PDE2A: variants seen among roughly 807,000 people sequenced by gnomAD.
PDE2A encodes the protein phosphodiesterase 2A.
PDE2A carries 53 observed loss-of-function variants against 133.6 expected under a neutral mutation model. The observed-to-expected ratio is 0.40, with a 90% CI of 0.32 to 0.50. The LOEUF is 0.50. Ranked by LOEUF, PDE2A falls within the 20% of genes least tolerant of loss-of-function variation. The pLI is 0.73. For synonymous variants in PDE2A, 491 were observed against 490.2 expected (o/e 1.00, Z -0.02); for missense variants, 796 against 1,232.4 (o/e 0.65, Z 5.30).
intron 2 of PDE2A, among the ~76,000 whole-genome samples, chr11:72,629,184 G>A (rs1221067774): frequency 6.6e-6 from 1 of 152,250 alleles, no homozygotes; most frequent in African/African-American, 2.4e-5. Flanking sequence ...AGCAGGTGGG[G>A]CCGACCCAGG....
At chr11:72,589,858 G>A in intron 10 of PDE2A, 49 bp downstream of exon 10, 1 of 1,608,514 alleles carries the variant, frequency 6.2e-7, no homozygotes, top group Non-Finnish European at 8.5e-7. Context: ...GGAGACCCGA[G>A]TTCCTCGCCC....
chr11:72,604,784 C>T (rs1220757867), intron 4 of PDE2A, among the ~76,000 whole-genome samples: 1 of 152,186 alleles, frequency 6.6e-6, no homozygotes, highest in Non-Finnish European at 1.5e-5. Context: ...ATTCCAGGTC[C>T]AGCCTCGCAG....
intron 1 of PDE2A, among the ~76,000 whole-genome samples, chr11:72,672,368 T>C (rs1255845247): frequency 6.6e-6 from 1 of 152,166 alleles, no homozygotes. Context: ...GTATTTCTAA[T>C]AGACACTGGG....
chr11:72,582,636 C>T lies in PDE2A; in HGVS notation c.1729-70G>A, dbSNP rs150224299. ...TCTGGTGTCTTCACCCTCAAATTCCCATGGCAGGTGGGGGATCCGTCACCC... is the reference window on the plus strand; with the variant it reads ...TCTGGTGTCTTCACCCTCAAATTCCTATGGCAGGTGGGGGATCCGTCACCC... On this transcript the variant is annotated intron_variant, in intron 20 of 30. Transcript: ENST00000334456. 3.0e-5 allele frequency: 44 copies of T among 1,473,592 alleles called. No individual in the cohort carries two copies. In the African/African-American group the frequency reaches 4.9e-4, roughly 16 times the overall value. The allele number at this position is 1,473,592 out of a possible 1,614,324, so 91.3% of individuals were successfully genotyped here.
chr11:72,607,874 G>A (rs1393124592), intron 3 of PDE2A, among the ~76,000 whole-genome samples: 2 of 152,118 alleles, frequency 1.3e-5, no homozygotes, highest in Non-Finnish European at 2.9e-5. Context: ...TGCCCCTTAG[G>A]CTGGATCAGA....
intron 1 of PDE2A, among the ~76,000 whole-genome samples, chr11:72,650,303 G>A (rs143830567): frequency 1.7e-3 from 255 of 148,146 alleles, no homozygotes; most frequent in African/African-American, 5.9e-3. Flanking sequence ...GATTACAGGC[G>A]TGAGCCACCG....
chr11:72,581,012 C>A, intron 23 of PDE2A, 39 bp from the exon 24 acceptor site: 1 of 1,330,864 alleles, frequency 7.5e-7, no homozygotes, highest in Non-Finnish European at 1.1e-6. Context: ...AAGAGGTCAG[C>A]CCACAGTTCC....
At chr11:72,658,115 T>A (rs2135454972) in intron 1 of PDE2A, 1 of 456,276 alleles carries the variant, frequency 2.2e-6, no homozygotes. Context: ...GGATGCCGGA[T>A]GTCTTCTCAG....
intron 26 of PDE2A, 50 bp from the exon 27 acceptor site, chr11:72,579,433 AT>A (rs1434498995): frequency 6.3e-7 from 1 of 1,574,956 alleles, no homozygotes; most frequent in Admixed American, 1.7e-5. Flanking sequence ...ACCCCCACCC[AT>A]TTGCCCATCC....
At position 72,577,494 on chromosome 11, in the gene PDE2A, C is replaced by T; in HGVS notation, c.2716G>A (p.Gly906Ser). 3 of 1,613,646 alleles carry T rather than the reference C, an allele frequency of 1.9e-6. No homozygotes were observed. The highest frequency in any genetic ancestry group is 2.5e-6 in the Non-Finnish European group (3 of 1,179,986). ...TKVSHKFTIR[G>S]LPSNNSLDFL... is the part of the protein sequence containing the mutation. ...TCCAGCGAGTTGTTACTTGGGAGGC[C>T]GCGGATGGTGAACTTGTGGGACACC... The change falls in exon 31 of 31, where the codon GGC (glycine) becomes AGC (serine). Residue 906 changes from glycine (G) to serine (S), a missense_variant. Gly to Ser is a moderately conservative substitution (Grantham distance 56, BLOSUM62 0). Coordinates refer to ENST00000334456, the MANE Select transcript of PDE2A (RefSeq NM_002599.5).
chr11:72,580,519 T>C (rs985699936), intron 25 of PDE2A, 58 bp downstream of exon 25: 2 of 1,318,474 alleles, frequency 1.5e-6, no homozygotes, highest in African/African-American at 2.9e-5. Flanking sequence ...GGGTCATAAC[T>C]TTGCAAGTCA....
Position 72,589,735 on chromosome 11 carries a change from C to G in PDE2A, c.873+16G>C. ...GCCCCTGCAGACTCCAACGAGAAGA[C>G]AGACGCGGGACTCACGGGAAAGCTG... is the stretch of plus-strand genomic sequence containing the variant. On this transcript the variant is annotated intron_variant, in intron 11 of 30. Coordinates refer to ENST00000334456, the MANE Select transcript of PDE2A (RefSeq NM_002599.5). The G allele has an allele frequency of 6.2e-7, 1 of 1,613,492 alleles. No individual in the cohort carries two copies. Among genetic ancestry groups the G allele is most frequent in the Non-Finnish European group, 8.5e-7 (1 of 1,179,588 alleles).
In PDE2A at chr11:72,584,274, C is replaced by T; in HGVS notation, c.1577G>A (p.Gly526Glu). The change falls in exon 19 of 31, where the codon GGG (glycine) becomes GAG (glutamate). Residue 526 changes from glycine (G) to glutamate (E), a missense_variant. Physicochemically the swap from Gly to Glu is moderately conservative, Grantham distance 98. Around this residue, in one of 7 missense-constraint regions of PDE2A, gnomAD observed 218 missense variants for 465.9 expected, o/e 0.47. Transcript: ENST00000334456. ...CTCGTCGAACTTGCTGAACCATGGCCCATTGATCTTGTTCACCAGCTCGGC... is the reference window on the plus strand; with the variant it reads ...CTCGTCGAACTTGCTGAACCATGGCTCATTGATCTTGTTCACCAGCTCGGC... ...GVAELVNKINGPWFSKFDEDL... is the reference protein window; with the variant it reads ...GVAELVNKINEPWFSKFDEDL... The T allele has an allele frequency of 1.2e-6, 2 of 1,613,454 alleles. No individual in the cohort carries two copies. The highest frequency in any genetic ancestry group is 1.7e-6 in the Non-Finnish European group (2 of 1,179,418).
At chr11:72,631,103 G>A (rs1329294001) in intron 2 of PDE2A, 6 of 1,547,938 alleles carry the variant, frequency 3.9e-6, no homozygotes, top group African/African-American at 1.4e-5. Context: ...TCTACTCCCT[G>A]GGGGTCCTGG....
intron 22 of PDE2A, 110 bp downstream of exon 22, chr11:72,581,767 G>A (rs1834782405): frequency 2.9e-6 from 3 of 1,043,270 alleles, no homozygotes; most frequent in South Asian, 2.6e-5. Flanking sequence ...ATAAGACTGG[G>A]TCTCCCCAGT....
intron 2 of PDE2A, chr11:72,630,982 C>T (rs1444632985): frequency 2.0e-6 from 2 of 999,428 alleles, no homozygotes; most frequent in East Asian, 2.7e-5. Flanking sequence ...TCCAGCCTCC[C>T]CGTCCTCCCA....
chr11:72,599,039 T>TGACCCCTGGCC (rs1478671739), intron 4 of PDE2A: 1 of 985,086 alleles, frequency 1.0e-6, no homozygotes, highest in East Asian at 1.1e-4. Context: ...AGGCAGGGGG[T>TGACCCCTGGCC]GACCCCTGGC....
intron 2 of PDE2A, among the ~76,000 whole-genome samples, chr11:72,615,674 G>A (rs1000838175): frequency 6.6e-6 from 1 of 151,196 alleles, no homozygotes; most frequent in Non-Finnish European, 1.5e-5. Flanking sequence ...ACATTCTCCT[G>A]GACACCACAA....
At chr11:72,584,355 G>T in intron 18 of PDE2A, 42 bp from the exon 19 acceptor site, 2 of 1,383,248 alleles carry the variant, frequency 1.4e-6, no homozygotes, top group Non-Finnish European at 2.1e-6. Flanking sequence ...GTGGAGGGAG[G>T]GATCGGTTGG....
Sources: allele counts gnomAD v4.1 joint callset (sites outside exome capture counted in the v4.1 genomes callset), GRCh38; gene constraint gnomAD v4.1.1; regional missense constraint gnomAD v4.1.1; transcripts MANE v1.5; gene names NCBI Gene and HGNC (gene_info 2026-07-23, HGNC 2026-07-21).